Variants in RAD51B observed in about 807,000 individuals in gnomAD.
The protein encoded by RAD51B is RAD51 paralog B.
RAD51B carries 38 observed loss-of-function variants against 42.2 expected under a neutral mutation model. That is an observed-to-expected ratio of 0.90 (90% confidence interval 0.70 to 1.18). RAD51B has a LOEUF of 1.18. Among genes scored for constraint, RAD51B ranks in the 50% most tolerant of loss-of-function variants. The pLI is 0.00. For synonymous variants in RAD51B, 154 were observed against 145.2 expected, an observed-to-expected ratio of 1.06 and a Z score of -0.43; for missense variants, 373 against 400.7, an observed-to-expected ratio of 0.93 and a Z score of 0.59.
chr14:67,871,585 T>G lies in RAD51B; in HGVS notation c.452+6446T>G, dbSNP rs866528402. Among the ~76,000 whole-genome samples, 872 of 151,952 alleles carry G rather than the reference T, an allele frequency of 5.7e-3. 8 individuals are homozygous for G. Among genetic ancestry groups the G allele is most frequent in the African/African-American group, 0.02 (826 of 41,254 alleles). On this transcript the variant is annotated intron_variant, in intron 5 of 10. Transcript: ENST00000471583. Reference sequence around the variant, plus strand: ...AGAGGGAATCCTCCCTAACTGATTTTATGAGGCCAGCATCATCCTGATACC... The same window carrying G: ...AGAGGGAATCCTCCCTAACTGATTTGATGAGGCCAGCATCATCCTGATACC...
At chr14:68,540,613 C>T in intron 10 of RAD51B, 1 of 985,318 alleles carries the variant, frequency 1.0e-6, no homozygotes, top group Non-Finnish European at 1.2e-6. Context: ...AATGACACCC[C>T]CCAACCCAAA....
intron 9 of RAD51B, among the ~76,000 whole-genome samples, chr14:68,458,401 C>G (rs1013222263): frequency 2.0e-5 from 3 of 152,016 alleles, no homozygotes; most frequent in Admixed American, 6.6e-5. Flanking sequence ...TCATTCTGAC[C>G]CTGAACTATT....
intron 9 of RAD51B, among the ~76,000 whole-genome samples, chr14:68,416,621 G>A (rs1221236440): frequency 6.6e-6 from 1 of 152,220 alleles, no homozygotes; most frequent in African/African-American, 2.4e-5. Flanking sequence ...CCTTTAAAAT[G>A]TTAGTAATTG....
chr14:67,832,431 T>A lies in RAD51B; in HGVS notation c.199-2649T>A, dbSNP rs1594969311. Among the ~76,000 whole-genome samples the A allele has an allele frequency of 2.0e-5, 3 of 151,738 alleles. No individual in the cohort carries two copies. In the South Asian group the frequency reaches 6.2e-4, roughly 32 times the overall value. On this transcript the variant is annotated intron_variant, in intron 3 of 10. Coordinates refer to ENST00000471583, the MANE Select transcript of RAD51B (RefSeq NM_133510.4). Reference sequence around the variant, plus strand: ...GTTAATAATGGTTATCTCAGGATTGTGGAATTTTTTACTGTTCTGTTTTCT... The same window carrying A: ...GTTAATAATGGTTATCTCAGGATTGAGGAATTTTTTACTGTTCTGTTTTCT...
chr14:68,553,541 G>A (rs1422435549), intron 10 of RAD51B, among the ~76,000 whole-genome samples: 1 of 152,128 alleles, frequency 6.6e-6, no homozygotes, highest in Admixed American at 6.5e-5. Flanking sequence ...GGGGAGGGTG[G>A]AGTTGGTTTG....
chr14:68,013,808 T>A (rs985031563), intron 7 of RAD51B, among the ~76,000 whole-genome samples: 7 of 152,206 alleles, frequency 4.6e-5, no homozygotes, highest in African/African-American at 1.7e-4. Context: ...TTAAGTAATG[T>A]CTTAAATAAG....
chr14:67,888,597 A>T (rs1249884726), intron 7 of RAD51B, among the ~76,000 whole-genome samples: 2 of 151,722 alleles, frequency 1.3e-5, no homozygotes, highest in South Asian at 2.1e-4. Context: ...TCTCTCTAAA[A>T]ATATATATAT....
At chr14:68,292,177 A>G (rs34863255) in intron 8 of RAD51B, among the ~76,000 whole-genome samples, 197 bp downstream of exon 8, 1 of 152,144 alleles carries the variant, frequency 6.6e-6, no homozygotes, top group Non-Finnish European at 1.5e-5. Context: ...CCCTGCCTCT[A>G]TAAGGGAGCT....
chr14:68,172,057 C>T (rs2078884778), intron 7 of RAD51B, among the ~76,000 whole-genome samples: 2 of 152,194 alleles, frequency 1.3e-5, no homozygotes, highest in Admixed American at 6.5e-5. Context: ...TATTTCAACA[C>T]CTCTGTATCA....
At chr14:67,979,331 A>G (rs1406087011) in intron 7 of RAD51B, among the ~76,000 whole-genome samples, 1 of 152,202 alleles carries the variant, frequency 6.6e-6, no homozygotes, top group East Asian at 1.9e-4. Context: ...GTGAAGAAAT[A>G]CTTTTGCTTT....
At chr14:68,429,952 A>T (rs1229182848) in intron 9 of RAD51B, among the ~76,000 whole-genome samples, 1 of 152,210 alleles carries the variant, frequency 6.6e-6, no homozygotes, top group Non-Finnish European at 1.5e-5. Context: ...ATCCAGTTTC[A>T]GCTTTCTACA....
intron 8 of RAD51B, among the ~76,000 whole-genome samples, chr14:68,343,600 C>T (rs1489480394): frequency 4.6e-5 from 7 of 152,216 alleles, no homozygotes; most frequent in Non-Finnish European, 1.0e-4. Flanking sequence ...GAGAGGAATA[C>T]AAGCAGGCTG....
At chr14:68,434,702 G>A (rs1047982577) in intron 9 of RAD51B, among the ~76,000 whole-genome samples, 4 of 152,158 alleles carry the variant, frequency 2.6e-5, no homozygotes, top group South Asian at 4.1e-4. Context: ...CGGGTGAGGC[G>A]ATGCCTCGCC....
intron 8 of RAD51B, among the ~76,000 whole-genome samples, chr14:68,344,610 G>T (rs560545283): frequency 9.3e-5 from 14 of 150,798 alleles, no homozygotes; most frequent in African/African-American, 3.2e-4. Context: ...TCACGCCACT[G>T]CACTCCAGCC....
At chr14:68,585,663 A>G (rs1174974098) in intron 10 of RAD51B, among the ~76,000 whole-genome samples, 2 of 152,102 alleles carry the variant, frequency 1.3e-5, no homozygotes, top group East Asian at 3.8e-4. Flanking sequence ...GGGCAGAGCA[A>G]ACATTTTTTT....
intron 10 of RAD51B, among the ~76,000 whole-genome samples, chr14:68,506,889 T>C (rs1885367935): frequency 6.6e-6 from 1 of 152,184 alleles, no homozygotes; most frequent in Non-Finnish European, 1.5e-5. Context: ...GTTTCGAGAT[T>C]CTGTGAACAT....
intron 7 of RAD51B, among the ~76,000 whole-genome samples, chr14:68,246,265 C>G (rs765115994): frequency 2.0e-5 from 3 of 151,716 alleles, no homozygotes; most frequent in Non-Finnish European, 4.4e-5. Context: ...ATGATTAGAT[C>G]TGTCTCTGTG....
intron 7 of RAD51B, among the ~76,000 whole-genome samples, chr14:67,992,211 C>T (rs774178716): frequency 1.3e-5 from 2 of 151,984 alleles, no homozygotes; most frequent in Non-Finnish European, 2.9e-5. Flanking sequence ...AACAAAGCTA[C>T]AAAAAGAAGC....
Position 67,916,080 on chromosome 14 carries a change from G to A in RAD51B, c.756+28876G>A, listed in dbSNP as rs2044141448. ...AAGAAGCAGTACATATTCTATTAGGGGGTCAGAAATCTTTAAATAGAAGTT... is the reference window on the plus strand; with the variant it reads ...AAGAAGCAGTACATATTCTATTAGGAGGTCAGAAATCTTTAAATAGAAGTT... On this transcript the variant is annotated intron_variant, in intron 7 of 10. Transcript: ENST00000471583. 2.0e-5 allele frequency among the ~76,000 whole-genome samples: 3 copies of A among 152,240 alleles called. No individual in the cohort carries two copies. The South Asian group carries it at 6.2e-4, about 32-fold the overall frequency.
Sources: gnomAD v4.1 joint callset for allele counts (sites outside exome capture counted in the v4.1 genomes callset) on GRCh38, gnomAD v4.1.1 for gene constraint, MANE v1.5 for transcripts, NCBI Gene and HGNC (gene_info 2026-07-23, HGNC 2026-07-21) for gene names.